NKAIN3: variants seen among roughly 807,000 people sequenced by gnomAD.
NKAIN3 encodes sodium/potassium-transporting ATPase subunit beta-1-interacting protein 3.
NKAIN3 carries 25 observed loss-of-function variants against 30.2 expected under a neutral mutation model. The observed-to-expected ratio is 0.83, with a 90% CI of 0.60 to 1.16. The LOEUF (loss-of-function observed/expected upper bound fraction) is 1.16. NKAIN3 is among the 50% of genes most tolerant of loss of function. NKAIN3 has a pLI of 0.00. For missense variants in NKAIN3, 225 were observed against 254.1 expected, an observed-to-expected ratio of 0.89 and a Z score of 0.78; for synonymous variants, 91 against 89.6, an observed-to-expected ratio of 1.02 and a Z score of -0.09.
intron 4 of NKAIN3, among the ~76,000 whole-genome samples, chr8:62,836,404 A>T (rs1819366365): frequency 6.6e-6 from 1 of 152,138 alleles, no homozygotes; most frequent in Admixed American, 6.6e-5. Context: ...ATACTAAAAC[A>T]TACCCTTTTA....
chr8:62,382,751 G>T (rs1817315501), intron 1 of NKAIN3, among the ~76,000 whole-genome samples: 1 of 152,002 alleles, frequency 6.6e-6, no homozygotes, highest in Non-Finnish European at 1.5e-5. Context: ...CTTCTCCTCT[G>T]GTGTGGTGGC....
intron 3 of NKAIN3, 81 bp downstream of exon 3, chr8:62,589,875 T>TTTTG: frequency 2.3e-6 from 1 of 428,516 alleles, no homozygotes; most frequent in Non-Finnish European, 4.2e-6. Flanking sequence ...TATAGGTATA[T>TTTTG]TGTGTGTGTG....
intron 4 of NKAIN3, among the ~76,000 whole-genome samples, chr8:62,827,441 C>G (rs564967315): frequency 4.6e-5 from 7 of 152,144 alleles, no homozygotes; most frequent in Non-Finnish European, 1.0e-4. Flanking sequence ...TAATAATTAT[C>G]CATCAATTCT....
chr8:62,571,466 C>A (rs1809936364), intron 1 of NKAIN3, among the ~76,000 whole-genome samples: 1 of 152,126 alleles, frequency 6.6e-6, no homozygotes, highest in Non-Finnish European at 1.5e-5. Flanking sequence ...TCCAGGCACA[C>A]AGTGCAAGCT....
intron 5 of NKAIN3, among the ~76,000 whole-genome samples, chr8:62,941,830 G>A (rs187001679): frequency 7.2e-5 from 11 of 152,174 alleles, no homozygotes; most frequent in Admixed American, 7.2e-4. Flanking sequence ...AATGTTGAAA[G>A]CATTCCCCAT....
chr8:62,468,290 G>A (rs1325274260), intron 1 of NKAIN3, among the ~76,000 whole-genome samples: 4 of 152,172 alleles, frequency 2.6e-5, no homozygotes, highest in Admixed American at 2.0e-4. Flanking sequence ...ACACTAACCA[G>A]GAAAGGTGAA....
intron 1 of NKAIN3, among the ~76,000 whole-genome samples, chr8:62,399,288 T>A (rs1817862188): frequency 6.6e-6 from 1 of 152,040 alleles, no homozygotes; most frequent in Non-Finnish European, 1.5e-5. Context: ...GGTAGATCGC[T>A]TGAGATCAGG....
chr8:62,916,189 G>C (rs1490809743), intron 4 of NKAIN3, among the ~76,000 whole-genome samples: 1 of 151,988 alleles, frequency 6.6e-6, no homozygotes, highest in Non-Finnish European at 1.5e-5. Flanking sequence ...CTGGGAATCA[G>C]ATCATCAAAA....
intron 5 of NKAIN3, among the ~76,000 whole-genome samples, chr8:62,993,835 A>G (rs950270282): frequency 2.0e-5 from 3 of 152,290 alleles, no homozygotes; most frequent in Admixed American, 2.0e-4. Context: ...GGTAGAAGTA[A>G]CTACCTTTTC....
chr8:62,290,176 T>C (rs1813540139), intron 1 of NKAIN3, among the ~76,000 whole-genome samples: 1 of 152,204 alleles, frequency 6.6e-6, no homozygotes, highest in Admixed American at 6.5e-5. Context: ...TATACAATCA[T>C]GTCATCTGCA....
chr8:62,375,721 C>G (rs1447931707), intron 1 of NKAIN3, among the ~76,000 whole-genome samples: 1 of 152,068 alleles, frequency 6.6e-6, no homozygotes, highest in South Asian at 2.1e-4. Context: ...TAAAAGAAAA[C>G]CAGTTACAGA....
At chr8:62,920,845 T>G (rs1822255521) in intron 5 of NKAIN3, among the ~76,000 whole-genome samples, 1 of 152,198 alleles carries the variant, frequency 6.6e-6, no homozygotes, top group Non-Finnish European at 1.5e-5. Flanking sequence ...AAAGACTAAC[T>G]TAACATGATA....
chr8:62,766,040 A>C (rs553823946), intron 4 of NKAIN3, among the ~76,000 whole-genome samples: 4 of 152,198 alleles, frequency 2.6e-5, no homozygotes, highest in African/African-American at 9.6e-5. Context: ...ATAGTCATCA[A>C]CATCAAGTAT....
At chr8:62,574,065 C>G (rs1261007638) in intron 1 of NKAIN3, among the ~76,000 whole-genome samples, 1 of 152,192 alleles carries the variant, frequency 6.6e-6, no homozygotes. Flanking sequence ...TCATTCTGCT[C>G]TCTGTCTCCA....
chr8:62,606,524 A>AGT (rs1811137638), intron 3 of NKAIN3, among the ~76,000 whole-genome samples: 1 of 152,116 alleles, frequency 6.6e-6, no homozygotes, highest in Non-Finnish European at 1.5e-5. Context: ...CTGGAAAAAA[A>AGT]ATGGCATAAA....
rs549679660 is a variant in NKAIN3 at position 62,803,220 on chromosome 8, G to C, written c.471+56091G>C. On this transcript the variant is annotated intron_variant, in intron 4 of 6. Coordinates refer to ENST00000623646, the MANE Select transcript of NKAIN3 (RefSeq NM_001304533.3). ...GACAGATCAATGAGACAGAAAGTTAGCAAGGATACCCAGGAATTGAACCCA... is the reference window on the plus strand; with the variant it reads ...GACAGATCAATGAGACAGAAAGTTACCAAGGATACCCAGGAATTGAACCCA... Among the ~76,000 whole-genome samples, 100 of 152,110 alleles carry C rather than the reference G, an allele frequency of 6.6e-4. 1 individual carries two copies. In the East Asian group the frequency reaches 0.018, roughly 27 times the overall value.
At chr8:62,321,596 C>T (rs571143460) in intron 1 of NKAIN3, among the ~76,000 whole-genome samples, 44 of 152,226 alleles carry the variant, frequency 2.9e-4, no homozygotes, top group African/African-American at 1.0e-3. Flanking sequence ...GAAGTCCACT[C>T]CAGACCCTGT....
chr8:62,507,241 C>T (rs775910011), intron 1 of NKAIN3, among the ~76,000 whole-genome samples: 2 of 152,086 alleles, frequency 1.3e-5, no homozygotes, highest in South Asian at 4.1e-4. Flanking sequence ...TGAAGATTTC[C>T]GATTCCAGTC....
At chr8:62,832,652 A>T (rs187561374) in intron 4 of NKAIN3, among the ~76,000 whole-genome samples, 13 of 148,260 alleles carry the variant, frequency 8.8e-5, no homozygotes, top group Non-Finnish European at 1.6e-4. Context: ...ACTATCCTAA[A>T]TATATATGCA....
Sources: allele counts gnomAD v4.1 joint callset (sites outside exome capture counted in the v4.1 genomes callset), GRCh38; gene constraint gnomAD v4.1.1; transcripts MANE v1.5; gene names NCBI Gene and HGNC (gene_info 2026-07-23, HGNC 2026-07-21).